DPRX: variants seen among roughly 807,000 people sequenced by gnomAD.
DPRX encodes divergent paired-related homeobox.
Under a neutral mutation model 8.4 loss-of-function variants are expected in DPRX, and 11 were observed. The ratio of observed to expected loss-of-function variants is 1.31; its 90% confidence interval spans 0.82 to 2.17. The LOEUF is 2.17. DPRX is among the 30% of genes most tolerant of loss of function. The pLI, the probability that DPRX is intolerant of heterozygous loss-of-function variation, is 0.00. For synonymous variants in DPRX, 72 were observed against 87.0 expected, an observed-to-expected ratio of 0.83 and a Z score of 0.96; for missense variants, 211 against 236.7, an observed-to-expected ratio of 0.89 and a Z score of 0.71.
At chr19:53,636,828 T>C in exon 3 of DPRX, 3 of 1,614,012 alleles carry the variant, frequency 1.9e-6, no homozygotes, top group Non-Finnish European at 2.5e-6. Context: ...AACCTCAAGG[T>C]CCCTGCAAAT....
At chr19:53,621,441 A>G in the DPRX span, among the ~76,000 whole-genome samples, 1 of 151,924 alleles carries the variant, frequency 6.6e-6, no homozygotes, top group Non-Finnish European at 1.5e-5. Flanking sequence ...CCTCATTTCT[A>G]TATGTAAGTT....
chr19:53,634,033 C>T (rs2122163654), intron 1 of DPRX, among the ~76,000 whole-genome samples: 1 of 152,302 alleles, frequency 6.6e-6, no homozygotes, highest in East Asian at 1.9e-4. Flanking sequence ...CTTGGAAAAA[C>T]AAGGACAAAA....
upstream of DPRX, among the ~76,000 whole-genome samples, chr19:53,629,120 C>A (rs1342986444): frequency 6.6e-6 from 1 of 151,306 alleles, no homozygotes; most frequent in African/African-American, 2.4e-5. Context: ...TTGAGACCAG[C>A]CTGGCCAACA....
chr19:53,617,214 G>A, the DPRX span: 1 of 856,100 alleles, frequency 1.2e-6, no homozygotes, highest in African/African-American at 1.7e-5. Flanking sequence ...CACGGCTAGA[G>A]TATTCGTGAG....
chr19:53,601,880 G>A, the DPRX span: 1 of 389,520 alleles, frequency 2.6e-6, no homozygotes. Context: ...TCCATGAACA[G>A]TCCATTGGTT....
chr19:53,601,153 A>G, the DPRX span: 1 of 417,872 alleles, frequency 2.4e-6, no homozygotes, highest in Admixed American at 2.6e-5. Flanking sequence ...AGTAGCTGGG[A>G]CTACAGGCAC....
chr19:53,602,290 G>A, the DPRX span: 4 of 353,688 alleles, frequency 1.1e-5, no homozygotes, highest in South Asian at 6.3e-5. Context: ...GTGTGTGTGT[G>A]TGTGTGTGTG....
At chr19:53,615,999 T>C in the DPRX span, among the ~76,000 whole-genome samples, 1 of 152,112 alleles carries the variant, frequency 6.6e-6, no homozygotes, top group Non-Finnish European at 1.5e-5. Context: ...ACCCCTGTAA[T>C]CCCAGCACTT....
the DPRX span, among the ~76,000 whole-genome samples, chr19:53,619,874 G>C: frequency 2.0e-5 from 3 of 146,540 alleles, no homozygotes; most frequent in East Asian, 6.3e-4. Flanking sequence ...AAAAAAAAAG[G>C]ATAAGTTGCT....
Position 53,632,192 on chromosome 19 carries a change from G to A in DPRX, c.28+58G>A. On this transcript the variant is annotated intron_variant, in intron 1 of 2. Coordinates refer to ENST00000376650, the Ensembl canonical transcript of DPRX. ...ACACGTGAAGAAGTGGAAAGCAGCT[G>A]GCGGCGGGAAAAGGCAGAGGGACCA... 3 of 1,613,278 alleles carry A rather than the reference G, an allele frequency of 1.9e-6. No individual in the cohort carries two copies. The South Asian group carries it at 3.3e-5, about 18-fold the overall frequency.
the DPRX span, among the ~76,000 whole-genome samples, chr19:53,624,774 G>A: frequency 6.7e-6 from 1 of 149,754 alleles, no homozygotes; most frequent in Non-Finnish European, 1.5e-5. Context: ...CCCGGGAGAC[G>A]GGCATTGCAG....
the DPRX span, chr19:53,616,751 T>A: frequency 7.0e-7 from 1 of 1,437,784 alleles, no homozygotes; most frequent in Middle Eastern, 2.0e-4. Context: ...CGAAACTCTG[T>A]CTCAAAAAAT....
the DPRX span, chr19:53,603,632 C>T: frequency 2.4e-5 from 6 of 254,662 alleles, no homozygotes; most frequent in African/African-American, 1.3e-4. Flanking sequence ...CGGTAGCTCC[C>T]ACGTATCTGA....
the DPRX span, among the ~76,000 whole-genome samples, chr19:53,608,961 AAAAAAAAAAAAAAGG>A: frequency 2.3e-5 from 2 of 88,214 alleles, no homozygotes; most frequent in Admixed American, 2.2e-4. Flanking sequence ...GTCAAAAAAA[AAAAAAAAAAAAAAGG>A]AAAGAAAAGA....
At chr19:53,633,894 C>G (rs2091102318) in intron 1 of DPRX, among the ~76,000 whole-genome samples, 1 of 151,382 alleles carries the variant, frequency 6.6e-6, no homozygotes, top group South Asian at 2.1e-4. Context: ...TCTGCCCGCC[C>G]TGGCCTCCCA....
chr19:53,601,632 C>A, the DPRX span, among the ~76,000 whole-genome samples: 3 of 152,002 alleles, frequency 2.0e-5, no homozygotes, highest in African/African-American at 7.2e-5. Flanking sequence ...CCGGCACACA[C>A]CACCATGCCC....
the DPRX span, chr19:53,601,327 A>G: frequency 4.4e-6 from 2 of 456,462 alleles, no homozygotes; most frequent in Non-Finnish European, 8.8e-6. Flanking sequence ...CATCAGGTAA[A>G]CATGTGCAGA....
the DPRX span, chr19:53,603,205 C>A: frequency 4.9e-6 from 2 of 405,034 alleles, no homozygotes; most frequent in East Asian, 1.4e-4. Context: ...GTGTAATCCA[C>A]TGTGCCCGGC....
At chr19:53,601,444 G>C in the DPRX span, 2 of 446,824 alleles carry the variant, frequency 4.5e-6, no homozygotes, top group Admixed American at 4.8e-5. Flanking sequence ...GGGGTGGGAA[G>C]GCCTCAGCTC....
Sources: allele counts gnomAD v4.1 joint callset (sites outside exome capture counted in the v4.1 genomes callset), GRCh38; gene constraint gnomAD v4.1.1; transcripts MANE v1.5; gene names NCBI Gene and HGNC (gene_info 2026-07-23, HGNC 2026-07-21).